The following PHACTR1 variants were observed in gnomAD, a reference collection of about 807,000 sequenced individuals.
PHACTR1 encodes RPEL repeat containing 1.
PHACTR1 carries 16 observed loss-of-function variants against 69.2 expected under a neutral mutation model. The ratio of observed to expected loss-of-function variants is 0.23; its 90% CI spans 0.16 to 0.35. The LOEUF (loss-of-function observed/expected upper bound fraction) is 0.35. Ranked by LOEUF, PHACTR1 falls within the 10% of genes least tolerant of loss-of-function variation. PHACTR1 has a pLI of 1.00. For synonymous variants in PHACTR1, 312 were observed against 284.5 expected (o/e 1.10, Z -0.97); for missense variants, 510 against 734.7 (o/e 0.69, Z 3.54).
At chr6:13,117,515 C>G (rs1817988431) in intron 5 of PHACTR1, among the ~76,000 whole-genome samples, 1 of 152,132 alleles carries the variant, frequency 6.6e-6, no homozygotes, top group Admixed American at 6.5e-5. Flanking sequence ...TTCCCATCAC[C>G]ATCTGACCTG....
At chr6:13,187,313 G>A (rs1297160659) in intron 7 of PHACTR1, among the ~76,000 whole-genome samples, 1 of 152,178 alleles carries the variant, frequency 6.6e-6, no homozygotes, top group East Asian at 1.9e-4. Context: ...GCAATTCAAT[G>A]CAGTCTGATA....
Position 13,063,971 on chromosome 6 carries a change from A to G in PHACTR1, c.415+10442A>G, listed in dbSNP as rs574525891. On this transcript the variant is annotated intron_variant, in intron 5 of 14. Transcript: ENST00000332995. ...TTGCATTTTAGAAAGATTATTCTCT[A>G]TATTATGGGAAAAGCTTGGAGTGGC... Among the ~76,000 whole-genome samples the G allele has an allele frequency of 3.3e-5, 5 of 152,308 alleles. No homozygotes were observed. In the East Asian group the frequency reaches 9.6e-4, roughly 29 times the overall value.
At chr6:12,790,707 G>T (rs1772163545) in intron 4 of PHACTR1, among the ~76,000 whole-genome samples, 1 of 152,200 alleles carries the variant, frequency 6.6e-6, no homozygotes, top group Non-Finnish European at 1.5e-5. Context: ...ATGGATCAGA[G>T]AATCTTAAGG....
intron 3 of PHACTR1, among the ~76,000 whole-genome samples, chr6:12,741,559 T>G (rs1289519564): frequency 6.6e-6 from 1 of 152,154 alleles, no homozygotes; most frequent in African/African-American, 2.4e-5. Context: ...ACCCTTGTCA[T>G]AGCCAAGTGA....
chr6:13,147,265 T>C (rs1253033886), intron 5 of PHACTR1, among the ~76,000 whole-genome samples: 1 of 152,250 alleles, frequency 6.6e-6, no homozygotes, highest in African/African-American at 2.4e-5. Context: ...TGATTTGAAG[T>C]TCCCTGTGCA....
intron 5 of PHACTR1, among the ~76,000 whole-genome samples, chr6:13,086,528 C>CT (rs1054355980): frequency 3.9e-4 from 60 of 152,028 alleles, no homozygotes; most frequent in Non-Finnish European, 6.6e-4. Flanking sequence ...GTAACCAGTG[C>CT]TTTTTTTTCT....
intron 4 of PHACTR1, among the ~76,000 whole-genome samples, chr6:12,758,563 T>G (rs1433268664): frequency 6.6e-6 from 1 of 151,818 alleles, no homozygotes; most frequent in Admixed American, 6.6e-5. Context: ...ATTGACATCA[T>G]TATTATTATC....
intron 4 of PHACTR1, among the ~76,000 whole-genome samples, chr6:12,920,952 T>C (rs192247053): frequency 1.3e-5 from 2 of 152,374 alleles, no homozygotes; most frequent in African/African-American, 4.8e-5. Flanking sequence ...TTGAGTTGGA[T>C]ACTGGGTTTG....
chr6:13,146,086 C>T, intron 5 of PHACTR1, among the ~76,000 whole-genome samples: 1 of 152,188 alleles, frequency 6.6e-6, no homozygotes, highest in East Asian at 1.9e-4. Flanking sequence ...AATCCCATGG[C>T]TTGGGTTCAA....
intron 4 of PHACTR1, among the ~76,000 whole-genome samples, chr6:12,755,447 T>C (rs1432318104): frequency 1.3e-5 from 2 of 152,194 alleles, no homozygotes; most frequent in East Asian, 3.8e-4. Context: ...ACTGGATACA[T>C]ACTACACCTG....
At chr6:12,741,582 G>C (rs1426294790) in intron 3 of PHACTR1, among the ~76,000 whole-genome samples, 1 of 151,942 alleles carries the variant, frequency 6.6e-6, no homozygotes, top group Non-Finnish European at 1.5e-5. Context: ...GTTCATATCT[G>C]TTTGTAGATT....
intron 6 of PHACTR1, among the ~76,000 whole-genome samples, chr6:13,177,778 G>C (rs920891290): frequency 1.3e-5 from 2 of 152,208 alleles, no homozygotes; most frequent in Admixed American, 1.3e-4. Flanking sequence ...GCGGCAGGCT[G>C]GGGTATGGGT....
intron 4 of PHACTR1, among the ~76,000 whole-genome samples, chr6:12,908,746 C>T (rs996869103): frequency 6.6e-6 from 1 of 152,154 alleles, no homozygotes; most frequent in Non-Finnish European, 1.5e-5. Flanking sequence ...CATGGAACTG[C>T]AGGTCAGCCG....
At chr6:13,095,673 G>A (rs1475894913) in intron 5 of PHACTR1, among the ~76,000 whole-genome samples, 1 of 151,154 alleles carries the variant, frequency 6.6e-6, no homozygotes, top group East Asian at 1.9e-4. Context: ...CAGGCAAAGG[G>A]TGGAGGAAGG....
intron 4 of PHACTR1, among the ~76,000 whole-genome samples, chr6:12,980,670 G>A (rs1242186302): frequency 6.6e-6 from 1 of 151,954 alleles, no homozygotes; most frequent in Non-Finnish European, 1.5e-5. Flanking sequence ...AAAAAAAAAA[G>A]TCTACGAAAA....
chr6:12,854,892 C>T (rs1386690057), intron 4 of PHACTR1, among the ~76,000 whole-genome samples: 1 of 152,110 alleles, frequency 6.6e-6, no homozygotes, highest in Non-Finnish European at 1.5e-5. Flanking sequence ...AAAATGTCAG[C>T]TGTTGGCAAG....
At chr6:12,762,919 A>G (rs1366217523) in intron 4 of PHACTR1, among the ~76,000 whole-genome samples, 1 of 152,212 alleles carries the variant, frequency 6.6e-6, no homozygotes, top group East Asian at 1.9e-4. Context: ...CTTGTTTCAT[A>G]GAACAGCAGT....
chr6:13,036,046 C>T (rs1402760870), intron 4 of PHACTR1, among the ~76,000 whole-genome samples: 1 of 151,986 alleles, frequency 6.6e-6, no homozygotes, highest in East Asian at 1.9e-4. Flanking sequence ...GATAGGTTCT[C>T]ATATTTTCTC....
chr6:12,756,313 A>G (rs1336652278), intron 4 of PHACTR1, among the ~76,000 whole-genome samples: 1 of 152,162 alleles, frequency 6.6e-6, no homozygotes, highest in East Asian at 1.9e-4. Flanking sequence ...TCTTCATTGT[A>G]TGGTACAAGA....
Sources: allele counts gnomAD v4.1 joint callset (sites outside exome capture counted in the v4.1 genomes callset), GRCh38; gene constraint gnomAD v4.1.1; transcripts MANE v1.5; gene names NCBI Gene and HGNC (gene_info 2026-07-23, HGNC 2026-07-21).